Variants in ABCA5 observed in about 807,000 individuals in gnomAD.
ABCA5 encodes cholesterol transporter ABCA5.
Under a neutral mutation model 206.0 loss-of-function variants are expected in ABCA5, and 163 were observed. The observed-to-expected ratio is 0.79, with a 90% confidence interval of 0.70 to 0.90. The LOEUF (loss-of-function observed/expected upper bound fraction) is 0.90. Among genes scored for constraint, ABCA5 ranks in the 40% least tolerant of loss-of-function variants. ABCA5 has a pLI of 0.00. For synonymous variants in ABCA5, 609 were observed against 613.8 expected, an observed-to-expected ratio of 0.99 and a Z score of 0.11; for missense variants, 1,859 against 1,912.9, an observed-to-expected ratio of 0.97 and a Z score of 0.53.
In ABCA5 at chr17:69,256,215, T is replaced by C. The variant is rs2075076902; in HGVS notation, c.3800A>G (p.Asp1267Gly). 6.2e-7 allele frequency: 1 copy of C among 1,610,842 alleles called. No homozygotes were observed. Among genetic ancestry groups the C allele is most frequent in the Non-Finnish European group, 8.5e-7 (1 of 1,178,202 alleles). ...GACCTTTAGTCTTTCAGCTTTGACA[T>C]CTTCATCTTCATCCTCATTGTCTGG... ...EPPDNEDEDE[D>G]VKAERLKVKE... Residue 1267 changes from aspartate to glycine, a missense_variant, in exon 29 of 39, where the codon GAT becomes GGT. Physicochemically the swap from Asp to Gly is moderately conservative, Grantham distance 94. Coordinates refer to ENST00000392676, the MANE Select transcript of ABCA5 (RefSeq NM_172232.4).
intron 1 of ABCA5, among the ~76,000 whole-genome samples, chr17:69,322,278 G>A (rs1190746682): frequency 2.1e-5 from 3 of 141,058 alleles, no homozygotes; most frequent in African/African-American, 7.8e-5. Context: ...GCTGAGGCAG[G>A]AGAATCACTC....
intron 10 of ABCA5, among the ~76,000 whole-genome samples, chr17:69,295,127 C>A (rs1181111706): frequency 2.6e-5 from 4 of 152,072 alleles, no homozygotes; most frequent in Admixed American, 6.6e-5. Context: ...TATATATTTA[C>A]ATTATTATAC....
chr17:69,266,672 C>T (rs1339268371), intron 23 of ABCA5, among the ~76,000 whole-genome samples: 2 of 147,622 alleles, frequency 1.4e-5, no homozygotes, highest in East Asian at 3.9e-4. Context: ...AAAGAAAATG[C>T]AAATGTCCAG....
In ABCA5 at chr17:69,246,480, AAAAG is replaced by A. The variant is rs1188619530; in HGVS notation, c.*1053_*1056del. ...AAAAATGAAATTCTGGTTCTTATTAAAAAGAAATAGGCGCACTGCACTTACAATT... is the reference window on the plus strand; with the variant it reads ...AAAAATGAAATTCTGGTTCTTATTAAAAATAGGCGCACTGCACTTACAATT... On this transcript the variant is annotated 3_prime_UTR_variant, in exon 39 of 39. Transcript: ENST00000392676. The A allele has an allele frequency of 6.6e-6, 1 of 151,984 alleles. No individual in the cohort carries two copies. The highest frequency in any genetic ancestry group is 2.4e-5 in the African/African-American group (1 of 41,440). 9.4% of individuals were successfully genotyped at this position (151,984 alleles called of 1,614,324 possible).
intron 8 of ABCA5, 61 bp from the exon 9 acceptor site, chr17:69,301,347 A>G: frequency 7.0e-7 from 1 of 1,434,084 alleles, no homozygotes. Flanking sequence ...AAAAGCTAAC[A>G]CTACTTAAGA....
At chr17:69,319,301 C>A (rs78578708) in intron 1 of ABCA5, among the ~76,000 whole-genome samples, 8,066 of 152,258 alleles carry the variant, frequency 0.053, 250 homozygotes, top group Non-Finnish European at 0.066. Context: ...TATTAATCCA[C>A]TTTGAATGTT....
chr17:69,282,853 T>A (rs1315879735), intron 18 of ABCA5, among the ~76,000 whole-genome samples: 1 of 151,546 alleles, frequency 6.6e-6, no homozygotes, highest in Non-Finnish European at 1.5e-5. Flanking sequence ...GAAATGGCAA[T>A]CTCATTCCCA....
At chr17:69,276,884 G>A (rs1009754443) in intron 19 of ABCA5, among the ~76,000 whole-genome samples, 21 of 152,084 alleles carry the variant, frequency 1.4e-4, no homozygotes, top group African/African-American at 4.8e-4. Flanking sequence ...AATCAGATAC[G>A]TGATTGACAT....
intron 22 of ABCA5, among the ~76,000 whole-genome samples, chr17:69,268,388 G>A (rs2075235309): frequency 6.6e-6 from 1 of 152,040 alleles, no homozygotes; most frequent in East Asian, 1.9e-4. Flanking sequence ...TTGAAAAGCA[G>A]TTAGTATGTC....
chr17:69,319,551 T>A (rs1387924832), intron 1 of ABCA5, among the ~76,000 whole-genome samples: 2 of 152,198 alleles, frequency 1.3e-5, no homozygotes, highest in Non-Finnish European at 2.9e-5. Context: ...ACTCTTGAGC[T>A]GTGTCAGTTA....
intron 11 of ABCA5, among the ~76,000 whole-genome samples, chr17:69,294,326 C>T (rs910960886): frequency 1.3e-4 from 20 of 151,938 alleles, no homozygotes; most frequent in Non-Finnish European, 2.8e-4. Flanking sequence ...AGTTTGAGAC[C>T]AGCCTGGCCA....
chr17:69,298,192 GACACA>G (rs2075603359), intron 9 of ABCA5, among the ~76,000 whole-genome samples: 1 of 144,104 alleles, frequency 6.9e-6, no homozygotes, highest in Non-Finnish European at 1.5e-5. Context: ...TCTCAAAAAA[GACACA>G]GCAAAACCCT....
At chr17:69,319,732 A>G (rs993893019) in intron 1 of ABCA5, among the ~76,000 whole-genome samples, 19 of 152,182 alleles carry the variant, frequency 1.2e-4, no homozygotes, top group African/African-American at 4.1e-4. Flanking sequence ...TCTTCCTTGG[A>G]GTATGTGAAA....
rs58369537 is a variant in ABCA5, at chr17:69,263,697, CTTTTTT to C, written c.3315+1032_3315+1037del. Among the ~76,000 whole-genome samples, 10 of 103,674 alleles carry C rather than the reference CTTTTTT, an allele frequency of 9.6e-5. 1 individual carries two copies. The highest frequency in any genetic ancestry group is 3.0e-4 in the East Asian group (1 of 3,362). 68.0% of individuals were successfully genotyped at this position (103,674 alleles called of 152,430 possible). A position where few individuals can be genotyped will look rare whatever the true frequency, so the allele number is the denominator to read the frequency against. Reference sequence around the variant, plus strand: ...GGCTTTGTTCTTTTTACATGGATTCCTTTTTTTTTTTTTTTTTGATAAAAAGTCTCT... The same window carrying C: ...GGCTTTGTTCTTTTTACATGGATTCCTTTTTTTTTTTGATAAAAAGTCTCT... On this transcript the variant is annotated intron_variant, in intron 24 of 38. Transcript: ENST00000392676.
At chr17:69,299,873 G>A (rs1291434106) in intron 9 of ABCA5, among the ~76,000 whole-genome samples, 1 of 152,010 alleles carries the variant, frequency 6.6e-6, no homozygotes, top group African/African-American at 2.4e-5. Context: ...CAAAAAAAGG[G>A]GTGAAGTGCT....
chr17:69,263,854 G>A (rs1034947420), intron 24 of ABCA5, among the ~76,000 whole-genome samples: 3 of 151,696 alleles, frequency 2.0e-5, no homozygotes, highest in African/African-American at 7.3e-5. Context: ...ATGCCACCAC[G>A]TCCAGCTATT....
chr17:69,252,016 A>ACTTTTTTATTCATTTTT, intron 34 of ABCA5, 150 bp from the exon 35 acceptor site: 1 of 612,598 alleles, frequency 1.6e-6, no homozygotes, highest in Non-Finnish European at 2.6e-6. Context: ...CCCAACTATG[A>ACTTTTTTATTCATTTTT]TTTTTTTTTT....
In ABCA5 at chr17:69,249,897, C is replaced by A. The variant is rs746174526; in HGVS notation, c.4765+8G>T. 5.8e-6 allele frequency: 9 copies of A among 1,560,308 alleles called. No homozygotes were observed. Among genetic ancestry groups the A allele is most frequent in the Non-Finnish European group, 7.8e-6 (9 of 1,155,792 alleles). On this transcript the variant is annotated splice_region_variant and intron_variant, in intron 37 of 38. Transcript: ENST00000392676. ...ATTTTATAAGCCAAAATAGAAGATA[C>A]TACTTACCTTCTTCCAGCTTAAAAA...
In ABCA5 at chr17:69,306,969, T is replaced by C. The variant is rs2075724319; in HGVS notation, c.559-15A>G. On this transcript the variant is annotated splice_polypyrimidine_tract_variant and intron_variant, in intron 5 of 38. Transcript: ENST00000392676. ...TTGGTCTTCAACTATAATTAGAAAA[T>C]GTAAATACATCAAATTAATTTAGTT... 2 of 1,496,034 alleles carry C rather than the reference T, an allele frequency of 1.3e-6. No individual in the cohort carries two copies. The highest frequency in any genetic ancestry group is 1.8e-6 in the Non-Finnish European group (2 of 1,115,962). 92.7% of individuals were successfully genotyped at this position (1,496,034 alleles called of 1,614,324 possible). A position where few individuals can be genotyped will look rare whatever the true frequency, so the allele number is the denominator to read the frequency against.
Sources: allele counts gnomAD v4.1 joint callset (sites outside exome capture counted in the v4.1 genomes callset), GRCh38; gene constraint gnomAD v4.1.1; transcripts MANE v1.5; gene names NCBI Gene and HGNC (gene_info 2026-07-23, HGNC 2026-07-21).